The following GPHN variants were observed in gnomAD, a reference collection of about 807,000 sequenced individuals.
GPHN encodes gephyrin.
GPHN carries 17 observed loss-of-function variants against 95.5 expected under a neutral mutation model. That is an observed-to-expected ratio of 0.18 (90% CI 0.12 to 0.27). GPHN has a LOEUF of 0.27. GPHN is among the 10% of genes least tolerant of loss of function. GPHN has a pLI of 1.00. For missense variants in GPHN, 660 were observed against 978.1 expected (o/e 0.67, Z 4.34); for synonymous variants, 320 against 322.5 (o/e 0.99, Z 0.08).
intron 1 of GPHN, among the ~76,000 whole-genome samples, chr14:66,676,309 G>A (rs1279340890): frequency 6.6e-6 from 1 of 151,746 alleles, no homozygotes; most frequent in Non-Finnish European, 1.5e-5. Flanking sequence ...ATTTCCTTTT[G>A]TGGCCTAATT....
At chr14:67,456,534 G>A in the GPHN span, among the ~76,000 whole-genome samples, 2 of 151,666 alleles carry the variant, frequency 1.3e-5, no homozygotes, top group African/African-American at 2.4e-5. Context: ...CCTGGGAGGA[G>A]GAGTTTGCAG....
chr14:67,516,189 GC>G, the GPHN span, among the ~76,000 whole-genome samples: 3 of 152,204 alleles, frequency 2.0e-5, no homozygotes, highest in Non-Finnish European at 2.9e-5. Context: ...ATGACAGCCA[GC>G]CCCCATTCGC....
chr14:66,585,098 C>T (rs1241322916), intron 1 of GPHN, among the ~76,000 whole-genome samples: 1 of 151,934 alleles, frequency 6.6e-6, no homozygotes, highest in African/African-American at 2.4e-5. Flanking sequence ...GATTCAACTT[C>T]TTCTTGATTT....
chr14:66,529,346 T>C (rs970960560), intron 1 of GPHN, among the ~76,000 whole-genome samples: 1 of 152,094 alleles, frequency 6.6e-6, no homozygotes, highest in African/African-American at 2.4e-5. Context: ...AAACTGGTTA[T>C]TCTAGTTAGC....
the GPHN span, among the ~76,000 whole-genome samples, chr14:67,430,435 G>A: frequency 6.6e-6 from 1 of 152,238 alleles, no homozygotes; most frequent in African/African-American, 2.4e-5. Flanking sequence ...ATGCCTGGGT[G>A]CTCTCAAGGG....
At chr14:66,525,461 T>C (rs1247550152) in intron 1 of GPHN, among the ~76,000 whole-genome samples, 2 of 152,208 alleles carry the variant, frequency 1.3e-5, no homozygotes, top group Non-Finnish European at 2.9e-5. Flanking sequence ...ACTCTGATGG[T>C]AGTTTCTTTT....
chr14:66,878,927 A>G (rs549977587), intron 4 of GPHN, among the ~76,000 whole-genome samples: 1 of 152,300 alleles, frequency 6.6e-6, no homozygotes, highest in South Asian at 2.1e-4. Context: ...TTGCAGCAAT[A>G]TTCACAATAG....
At chr14:67,664,381 C>T in the GPHN span, among the ~76,000 whole-genome samples, 1 of 152,174 alleles carries the variant, frequency 6.6e-6, no homozygotes, top group African/African-American at 2.4e-5. Context: ...TCACTTAGCA[C>T]AAAGTCAAGG....
the GPHN span, among the ~76,000 whole-genome samples, chr14:67,676,632 A>G: frequency 6.6e-6 from 1 of 152,342 alleles, no homozygotes; most frequent in Admixed American, 6.5e-5. Context: ...GTCTGTGAAG[A>G]GTGTCAAAAA....
the GPHN span, among the ~76,000 whole-genome samples, chr14:67,600,905 TGCTTGGCAA>T: frequency 6.6e-6 from 1 of 152,184 alleles, no homozygotes; most frequent in East Asian, 1.9e-4. Flanking sequence ...ATCATGCTTT[TGCTTGGCAA>T]GCCGATTTCT....
the GPHN span, among the ~76,000 whole-genome samples, chr14:67,544,151 C>T: frequency 6.6e-6 from 1 of 152,124 alleles, no homozygotes; most frequent in African/African-American, 2.4e-5. Flanking sequence ...TATTAAAGGG[C>T]TTACCCTAAA....
At chr14:67,553,646 A>G in the GPHN span, among the ~76,000 whole-genome samples, 1 of 152,238 alleles carries the variant, frequency 6.6e-6, no homozygotes, top group African/African-American at 2.4e-5. Flanking sequence ...ACCACTATGT[A>G]TCAACCAACC....
chr14:67,142,436 AAAGAT>A (rs1228334466), intron 17 of GPHN, among the ~76,000 whole-genome samples: 3 of 152,174 alleles, frequency 2.0e-5, no homozygotes, highest in African/African-American at 7.2e-5. Flanking sequence ...TCTGACACCC[AAAGAT>A]AAGACCCCTG....
chr14:67,375,296 C>T, the GPHN span, among the ~76,000 whole-genome samples: 2 of 149,896 alleles, frequency 1.3e-5, no homozygotes, highest in Non-Finnish European at 3.0e-5. Flanking sequence ...CAAAGTCTTT[C>T]CCAGACTGGA....
At chr14:67,559,238 TTAAAAA>T in the GPHN span, among the ~76,000 whole-genome samples, 2 of 152,134 alleles carry the variant, frequency 1.3e-5, no homozygotes, top group African/African-American at 4.8e-5. Flanking sequence ...ATGCTTATAG[TTAAAAA>T]TAAAAAAACG....
intron 22 of GPHN, 25 bp downstream of exon 22, chr14:67,179,699 T>C (rs1168340027): frequency 1.8e-6 from 2 of 1,114,240 alleles, no homozygotes; most frequent in East Asian, 2.3e-5. Context: ...TCTACAGATA[T>C]TCCTAGACAC....
At chr14:67,633,258 G>A in the GPHN span, among the ~76,000 whole-genome samples, 16 of 152,056 alleles carry the variant, frequency 1.1e-4, no homozygotes, top group African/African-American at 3.9e-4. Context: ...TAAGACCTTT[G>A]TAGGTTCTCT....
At chr14:67,093,173 G>A (rs905253323) in intron 12 of GPHN, among the ~76,000 whole-genome samples, 3 of 152,036 alleles carry the variant, frequency 2.0e-5, no homozygotes, top group African/African-American at 7.2e-5. Flanking sequence ...TGCCATTTGG[G>A]TAGAGAGAAT....
chr14:67,439,536 T>TCTTTCTTTCTTTCTTTCTTC, the GPHN span, among the ~76,000 whole-genome samples: 1 of 43,626 alleles, frequency 2.3e-5, no homozygotes, highest in Non-Finnish European at 4.3e-5. Flanking sequence ...TTCAATAGTT[T>TCTTTCTTTCTTTCTTTCTTC]CTTTCTTTCT....
Sources: allele counts gnomAD v4.1 joint callset (sites outside exome capture counted in the v4.1 genomes callset), GRCh38; gene constraint gnomAD v4.1.1; transcripts MANE v1.5; gene names NCBI Gene and HGNC (gene_info 2026-07-23, HGNC 2026-07-21).